Variants in PDE8B observed in about 807,000 individuals in gnomAD.
PDE8B encodes the protein high affinity cAMP-specific and IBMX-insensitive 3',5'-cyclic phosphodiesterase 8B.
In PDE8B, 26 loss-of-function variants were observed where a neutral mutation model predicts 101.3. That is an observed-to-expected ratio of 0.26 (90% CI 0.19 to 0.36). PDE8B has a LOEUF of 0.36. Among genes scored for constraint, PDE8B ranks in the 10% least tolerant of loss-of-function variants. The pLI is 1.00. For synonymous variants in PDE8B, 424 were observed against 429.3 expected, an observed-to-expected ratio of 0.99 and a Z score of 0.15; for missense variants, 810 against 1,163.1, an observed-to-expected ratio of 0.70 and a Z score of 4.42.
At chr5:77,425,181 GAC>G in intron 20 of PDE8B, among the ~76,000 whole-genome samples, 1 of 152,168 alleles carries the variant, frequency 6.6e-6, no homozygotes, top group Admixed American at 6.5e-5. Context: ...ACAGAGCTTT[GAC>G]TTTGCAATGA....
the PDE8B span, among the ~76,000 whole-genome samples, chr5:77,090,233 AT>A: frequency 6.6e-6 from 1 of 151,868 alleles, no homozygotes; most frequent in Admixed American, 6.6e-5. Context: ...CAAAGAGAAG[AT>A]TTTTTTCTTT....
the PDE8B span, among the ~76,000 whole-genome samples, chr5:77,103,187 T>G: frequency 6.6e-6 from 1 of 152,246 alleles, no homozygotes; most frequent in Non-Finnish European, 1.5e-5. Flanking sequence ...AGTTAGCATC[T>G]AAAATTATTT....
intron 16 of PDE8B, 85 bp from the exon 17 acceptor site, chr5:77,413,026 T>C: frequency 9.2e-7 from 1 of 1,086,138 alleles, no homozygotes; most frequent in Non-Finnish European, 1.4e-6. Context: ...AGAAGAAAAA[T>C]GCTTCCATGC....
chr5:77,334,519 G>A (rs749684325), intron 5 of PDE8B, among the ~76,000 whole-genome samples: 5 of 152,144 alleles, frequency 3.3e-5, no homozygotes, highest in Non-Finnish European at 7.3e-5. Flanking sequence ...TGTGCAATGT[G>A]CTAGGCATGC....
At chr5:77,209,844 C>T (rs1747877890), upstream of PDE8B, among the ~76,000 whole-genome samples, 3 of 152,218 alleles carry the variant, frequency 2.0e-5, no homozygotes, top group Admixed American at 2.0e-4. Flanking sequence ...TCTGTTCTTG[C>T]CTTGGATCTT....
At chr5:77,312,474 A>T (rs190624115) in intron 2 of PDE8B, among the ~76,000 whole-genome samples, 1 of 152,160 alleles carries the variant, frequency 6.6e-6, no homozygotes, top group Non-Finnish European at 1.5e-5. Context: ...GACAGATTGC[A>T]TGGTGGATTG....
At chr5:77,340,477 C>G (rs1353010979) in intron 6 of PDE8B, among the ~76,000 whole-genome samples, 1 of 152,166 alleles carries the variant, frequency 6.6e-6, no homozygotes, top group Admixed American at 6.5e-5. Context: ...GATCCTCTCA[C>G]CTCTTCCACT....
chr5:77,152,582 C>G, the PDE8B span, among the ~76,000 whole-genome samples: 2 of 152,182 alleles, frequency 1.3e-5, no homozygotes, highest in African/African-American at 4.8e-5. Flanking sequence ...GTTGGACTTA[C>G]ATGTGGGTGT....
At chr5:77,379,468 CT>C (rs1787031412) in intron 10 of PDE8B, among the ~76,000 whole-genome samples, 1 of 152,146 alleles carries the variant, frequency 6.6e-6, no homozygotes, top group Non-Finnish European at 1.5e-5. Context: ...TGCACTTAGT[CT>C]GTTAGACTCA....
At chr5:77,100,305 T>G in the PDE8B span, 2 of 152,226 alleles carry the variant, frequency 1.3e-5, no homozygotes, top group Admixed American at 6.5e-5. Context: ...GCATTTGCAA[T>G]TTCTGTTAAC....
intron 6 of PDE8B, among the ~76,000 whole-genome samples, chr5:77,338,052 T>TAC (rs1778512035): frequency 6.6e-6 from 1 of 152,164 alleles, no homozygotes. Flanking sequence ...AGGAGGAGGC[T>TAC]CTTCTCCACC....
At chr5:77,154,824 C>T in the PDE8B span, among the ~76,000 whole-genome samples, 4 of 152,134 alleles carry the variant, frequency 2.6e-5, no homozygotes, top group African/African-American at 9.7e-5. Flanking sequence ...TCACCCTATG[C>T]GACAGAAACA....
chr5:77,138,892 C>A, the PDE8B span, among the ~76,000 whole-genome samples: 1 of 152,116 alleles, frequency 6.6e-6, no homozygotes, highest in Non-Finnish European at 1.5e-5. Context: ...TTAACCCTGA[C>A]CAAAGCAATT....
intron 10 of PDE8B, 33 bp from the exon 11 acceptor site, chr5:77,400,209 ATCTTTC>A (rs1410387948): frequency 2.8e-6 from 4 of 1,439,324 alleles, no homozygotes; most frequent in South Asian, 1.1e-5. Flanking sequence ...CATATTTAAA[ATCTTTC>A]TCTTGTTTTA....
In PDE8B at chr5:77,222,155, G is replaced by A. The variant is rs151275899; in HGVS notation, c.339+10891G>A. Among the ~76,000 whole-genome samples, 13 of 152,300 alleles carry A rather than the reference G, an allele frequency of 8.5e-5. No individual in the cohort carries two copies. In the East Asian group the frequency reaches 2.5e-3, roughly 29 times the overall value. ...TCCAGCTCTGCCCTGTACAAACTTT[G>A]TGACTTTGGAGAAGCTGCATGATTT... On this transcript the variant is annotated intron_variant, in intron 1 of 21. Transcript: ENST00000264917.
At chr5:77,090,659 G>A in the PDE8B span, among the ~76,000 whole-genome samples, 1 of 152,120 alleles carries the variant, frequency 6.6e-6, no homozygotes, top group Non-Finnish European at 1.5e-5. Flanking sequence ...GTCTTTCTGT[G>A]TCTGGCTTAT....
At chr5:77,301,619 A>C (rs896657603) in intron 1 of PDE8B, among the ~76,000 whole-genome samples, 5 of 152,208 alleles carry the variant, frequency 3.3e-5, no homozygotes, top group Non-Finnish European at 7.3e-5. Flanking sequence ...GTCATCCGGC[A>C]GTGTCTATTA....
the PDE8B span, among the ~76,000 whole-genome samples, chr5:77,103,900 G>T: frequency 6.6e-6 from 1 of 152,180 alleles, no homozygotes. Flanking sequence ...TTTGAATAAG[G>T]TAATGCATGG....
At chr5:77,103,742 T>C in the PDE8B span, among the ~76,000 whole-genome samples, 1 of 152,152 alleles carries the variant, frequency 6.6e-6, no homozygotes, top group Non-Finnish European at 1.5e-5. Flanking sequence ...GGTGAGAACA[T>C]AGCTTGGACA....
Sources: allele counts gnomAD v4.1 joint callset (sites outside exome capture counted in the v4.1 genomes callset), GRCh38; gene constraint gnomAD v4.1.1; transcripts MANE v1.5; gene names NCBI Gene and HGNC (gene_info 2026-07-23, HGNC 2026-07-21).